Variants in MNAT1 observed in about 807,000 individuals in gnomAD.
The protein encoded by MNAT1 is MNAT1 component of CDK activating kinase.
In MNAT1, 43 loss-of-function variants were observed where a neutral mutation model predicts 42.0. That is an observed-to-expected ratio of 1.02 (90% CI 0.80 to 1.32). The LOEUF (loss-of-function observed/expected upper bound fraction) is 1.32. MNAT1 is among the 40% of genes most tolerant of loss of function. MNAT1 has a pLI of 0.00. For synonymous variants in MNAT1, 118 were observed against 120.0 expected (o/e 0.98, Z 0.11); for missense variants, 306 against 350.4 (o/e 0.87, Z 1.01).
At chr14:60,927,433 C>T (rs953451258) in intron 7 of MNAT1, among the ~76,000 whole-genome samples, 22 of 152,088 alleles carry the variant, frequency 1.4e-4, no homozygotes, top group African/African-American at 5.1e-4. Context: ...GTAAATTTAC[C>T]AAGTTGTACA....
intron 7 of MNAT1, among the ~76,000 whole-genome samples, chr14:60,967,910 C>A (rs966285752): frequency 9.2e-5 from 14 of 152,062 alleles, no homozygotes; most frequent in Admixed American, 5.2e-4. Context: ...GTTAGGTGTC[C>A]AAAAAACAGC....
chr14:60,790,593 T>C (rs2031787122), intron 1 of MNAT1, among the ~76,000 whole-genome samples: 1 of 152,168 alleles, frequency 6.6e-6, no homozygotes, highest in South Asian at 2.1e-4. Context: ...TGATTATCAA[T>C]ATAAAATGTA....
chr14:60,786,459 A>G (rs1212279716), intron 1 of MNAT1, among the ~76,000 whole-genome samples: 1 of 152,240 alleles, frequency 6.6e-6, no homozygotes, highest in East Asian at 1.9e-4. Context: ...TTTTGGTGTT[A>G]GTAACTTTTA....
chr14:60,870,695 T>G (rs915188452), intron 6 of MNAT1, among the ~76,000 whole-genome samples: 6 of 152,186 alleles, frequency 3.9e-5, no homozygotes, highest in African/African-American at 1.4e-4. Context: ...CAATGGTGGA[T>G]TGATTTAAAC....
intron 6 of MNAT1, among the ~76,000 whole-genome samples, chr14:60,833,969 G>A (rs1405182655): frequency 4.6e-5 from 7 of 152,176 alleles, no homozygotes; most frequent in African/African-American, 1.4e-4. Context: ...TCGTAGAGGT[G>A]TTAATAGTGT....
In MNAT1 at chr14:60,811,993, G is replaced by T. The variant is rs750697110; in HGVS notation, c.427G>T (p.Glu143Ter). Residue 143 changes from glutamate to a stop codon, truncating the protein, a stop_gained, in exon 5 of 8, where the codon GAA becomes TAA. Coordinates refer to ENST00000261245, the MANE Select transcript of MNAT1 (RefSeq NM_002431.4). LOFTEE classifies it high-confidence loss of function. ...ATATAAATTTTTGTTTTAGACTCGA[G>T]AACAGGAAGAACTGGAAGAAGCTTT... ...IQKNKLKLTR[E>*]QEELEEALEV... 1.3e-6 allele frequency: 2 copies of T among 1,581,022 alleles called. No individual in the cohort carries two copies. Among genetic ancestry groups the T allele is most frequent in the South Asian group, 1.2e-5 (1 of 82,892 alleles).
In MNAT1 at chr14:60,883,759, G is replaced by A. The variant is rs4151302; in HGVS notation, c.809+3924G>A. 5.2e-3 allele frequency among the ~76,000 whole-genome samples: 788 copies of A among 151,972 alleles called. 14 individuals are homozygous for A. Among genetic ancestry groups the A allele is most frequent in the African/African-American group, 0.018 (739 of 41,472 alleles). ...GTGTCCTCTTCAATTTTTTGCGTCA[G>A]TATTTTATAGTTTTCATAGTAGAGA... On this transcript the variant is annotated intron_variant, in intron 7 of 7. Transcript: ENST00000261245.
chr14:60,784,521 C>G lies in MNAT1; in HGVS notation c.90-11696C>G, dbSNP rs527390473. Reference sequence around the variant, plus strand: ...CGCAAGACAGAGTCTTGCCCTGTCACCCAGGCTGGAGTGCAGTGGTGTGAT... The same window carrying G: ...CGCAAGACAGAGTCTTGCCCTGTCAGCCAGGCTGGAGTGCAGTGGTGTGAT... On this transcript the variant is annotated intron_variant, in intron 1 of 7. Transcript: ENST00000261245. 5.3e-5 allele frequency among the ~76,000 whole-genome samples: 8 copies of G among 152,088 alleles called. 1 individual carries two copies. The South Asian group carries it at 1.7e-3, about 32-fold the overall frequency.
chr14:60,898,419 C>T (rs1183540490), intron 7 of MNAT1, among the ~76,000 whole-genome samples: 1 of 152,070 alleles, frequency 6.6e-6, no homozygotes, highest in Non-Finnish European at 1.5e-5. Flanking sequence ...TCCTTACCAG[C>T]ATGTGTAATT....
intron 6 of MNAT1, among the ~76,000 whole-genome samples, chr14:60,837,243 C>G (rs761820778): frequency 6.6e-6 from 1 of 152,188 alleles, no homozygotes; most frequent in Non-Finnish European, 1.5e-5. Flanking sequence ...TTCTGTCTCT[C>G]TGTCATTCCA....
intron 7 of MNAT1, among the ~76,000 whole-genome samples, chr14:60,901,127 C>T (rs780528512): frequency 4.0e-5 from 6 of 151,044 alleles, no homozygotes; most frequent in South Asian, 2.1e-4. Context: ...AAATTGAAGC[C>T]GATATTTATT....
rs535044595 is a variant in MNAT1, at chr14:60,734,763, G to A, written c.-100G>A. 2 of 1,035,176 alleles carry A rather than the reference G, an allele frequency of 1.9e-6. No individual in the cohort carries two copies. The highest frequency in any genetic ancestry group is 3.1e-5 in the African/African-American group (2 of 63,718). The allele number at this position is 1,035,176 out of a possible 1,614,324, so 64.1% of individuals were successfully genotyped here. On this transcript the variant is annotated 5_prime_UTR_variant, in exon 1 of 8. Coordinates refer to ENST00000261245, the MANE Select transcript of MNAT1 (RefSeq NM_002431.4). This position sits in a 1 kb window ranked among gnomAD's most constrained non-coding sequence, Gnocchi z 4.3. ...TTCGCGAAGGGACCGTCTCTGCCAAGCGCCTGTTGGTAGGAACCTGCTTGG... is the reference window on the plus strand; with the variant it reads ...TTCGCGAAGGGACCGTCTCTGCCAAACGCCTGTTGGTAGGAACCTGCTTGG...
chr14:60,771,750 G>A (rs1017459884), intron 1 of MNAT1, among the ~76,000 whole-genome samples: 3 of 151,966 alleles, frequency 2.0e-5, no homozygotes, highest in Admixed American at 2.0e-4. Flanking sequence ...TAATTTATCT[G>A]TCCATGTTAG....
chr14:60,767,567 A>T (rs2030878290), intron 1 of MNAT1, among the ~76,000 whole-genome samples: 1 of 152,124 alleles, frequency 6.6e-6, no homozygotes, highest in South Asian at 2.1e-4. Context: ...AGGCAAGAAC[A>T]GTTCAGTTTT....
intron 1 of MNAT1, among the ~76,000 whole-genome samples, chr14:60,779,488 T>C (rs963361047): frequency 1.3e-5 from 2 of 152,032 alleles, no homozygotes. Context: ...ATAAGTAGAA[T>C]CCTTAAGAAG....
chr14:60,837,314 C>T (rs2139394709), intron 6 of MNAT1, among the ~76,000 whole-genome samples: 1 of 152,270 alleles, frequency 6.6e-6, no homozygotes, highest in Middle Eastern at 3.4e-3. Flanking sequence ...CAAATGGCTG[C>T]CCAGTTTTGT....
intron 1 of MNAT1, among the ~76,000 whole-genome samples, chr14:60,750,434 G>T (rs1352216568): frequency 6.7e-6 from 1 of 149,386 alleles, no homozygotes; most frequent in African/African-American, 2.5e-5. Context: ...GTTTCACCAT[G>T]TTAGCCAGGA....
intron 7 of MNAT1, among the ~76,000 whole-genome samples, chr14:60,880,380 T>TAA (rs2034524787): frequency 1.3e-5 from 2 of 152,144 alleles, no homozygotes; most frequent in South Asian, 4.1e-4. Context: ...GAGAGATGGT[T>TAA]ATAGTCTCTC....
chr14:60,900,783 A>G (rs1006293823), intron 7 of MNAT1, among the ~76,000 whole-genome samples: 4 of 152,038 alleles, frequency 2.6e-5, no homozygotes, highest in African/African-American at 9.7e-5. Flanking sequence ...AGGCTGAGGC[A>G]GGCAGATAGC....
Sources: gnomAD v4.1 joint callset for allele counts (sites outside exome capture counted in the v4.1 genomes callset) on GRCh38, gnomAD v4.1.1 for gene constraint, Gnocchi (gnomAD v3.1) non-coding constraint, MANE v1.5 for transcripts, NCBI Gene and HGNC (gene_info 2026-07-23, HGNC 2026-07-21) for gene names.